DLGAP4: variants seen among roughly 807,000 people sequenced by gnomAD.
DLGAP4 encodes the protein DLG associated protein 4, also known as disks large-associated protein 4.
Under a neutral mutation model 86.9 loss-of-function variants are expected in DLGAP4, and 18 were observed. The ratio of observed to expected loss-of-function variants is 0.21; its 90% CI spans 0.14 to 0.31. DLGAP4 has a LOEUF of 0.31. DLGAP4 is among the 10% of genes least tolerant of loss of function. The pLI is 1.00. For synonymous variants in DLGAP4, 548 were observed against 574.3 expected (o/e 0.95, Z 0.65); for missense variants, 1,085 against 1,362.6 (o/e 0.80, Z 3.21).
intron 1 of DLGAP4, among the ~76,000 whole-genome samples, chr20:36,346,133 G>A (rs1555892949): frequency 6.6e-6 from 1 of 152,140 alleles, no homozygotes; most frequent in Non-Finnish European, 1.5e-5. Flanking sequence ...AGCATAAATT[G>A]TAATCCCTTG....
intron 2 of DLGAP4, among the ~76,000 whole-genome samples, chr20:36,402,787 T>A (rs534614282): frequency 1.3e-5 from 2 of 152,292 alleles, no homozygotes; most frequent in South Asian, 4.1e-4. Flanking sequence ...CATTTACTCC[T>A]CCTAGTCACC....
At position 36,482,231 on chromosome 20, in the gene DLGAP4, C is replaced by T. The variant is rs184535835; in HGVS notation, c.1649-14474C>T. ...AACACTGCCTTTCTATTCTGGGATT[C>T]GCTTGGTCATTCAGAATGGTGAAAG... On this transcript the variant is annotated intron_variant, in intron 7 of 12. Coordinates refer to ENST00000339266, the MANE Select transcript of DLGAP4 (RefSeq NM_001365621.2). Among the ~76,000 whole-genome samples, 528 of 152,288 alleles carry T rather than the reference C, an allele frequency of 3.5e-3. 1 individual carries two copies. The highest frequency in any genetic ancestry group is 0.014 in the Middle Eastern group (4 of 294).
chr20:36,356,297 T>TTTTGTTTGTTTG (rs140426624), intron 1 of DLGAP4, among the ~76,000 whole-genome samples: 24 of 151,898 alleles, frequency 1.6e-4, no homozygotes, highest in African/African-American at 5.6e-4. Context: ...GTTTCATTGT[T>TTTTGTTTGTTTG]TTTGTTTGTT....
intron 2 of DLGAP4, among the ~76,000 whole-genome samples, chr20:36,379,151 C>T (rs1011661949): frequency 6.6e-6 from 1 of 152,174 alleles, no homozygotes; most frequent in African/African-American, 2.4e-5. Context: ...TTTGTCCTCT[C>T]AAGCACACAC....
intron 1 of DLGAP4, among the ~76,000 whole-genome samples, chr20:36,338,084 C>T (rs1394708132): frequency 1.3e-5 from 2 of 152,192 alleles, no homozygotes; most frequent in African/African-American, 4.8e-5. Flanking sequence ...CCTCATGGTC[C>T]TCAGCTGCCC....
At chr20:36,370,585 G>T (rs538275482) in intron 2 of DLGAP4, among the ~76,000 whole-genome samples, 1 of 152,214 alleles carries the variant, frequency 6.6e-6, no homozygotes. Context: ...TAATAAAAGA[G>T]GTGGGAGAAT....
chr20:36,387,309 TC>T (rs1380371292), intron 2 of DLGAP4, among the ~76,000 whole-genome samples: 1 of 152,270 alleles, frequency 6.6e-6, no homozygotes, highest in African/African-American at 2.4e-5. Flanking sequence ...TCTGAATTTT[TC>T]TCTTCTGCAA....
In DLGAP4 at chr20:36,430,648, CAAAAAAA is replaced by C. The variant is rs5841233; in HGVS notation, c.-72-980_-72-974del. Among the ~76,000 whole-genome samples, 234 of 58,980 alleles carry C rather than the reference CAAAAAAA, an allele frequency of 4.0e-3. 9 individuals are homozygous for C. In the East Asian group the frequency reaches 0.079, roughly 20 times the overall value. 38.7% of individuals were successfully genotyped at this position (58,980 alleles called of 152,430 possible). ...CAGTGAGCTGTCTGTGACCTTGTTG[CAAAAAAA>C]AAAAAAAAAAAAAAAAAGGCCAGGC... On this transcript the variant is annotated intron_variant, in intron 2 of 12. Transcript: ENST00000339266.
chr20:36,445,763 G>A lies in DLGAP4; in HGVS notation c.1408-934G>A, dbSNP rs371042521. ...TTGTGCCCCCTCCCGCTGTGGCCCA[G>A]GCCAGCCCCCAAGATGTCCACATCT... On this transcript the variant is annotated intron_variant, in intron 6 of 12. Transcript: ENST00000339266. Among the ~76,000 whole-genome samples, 4 of 152,174 alleles carry A rather than the reference G, an allele frequency of 2.6e-5. No individual in the cohort carries two copies. In the East Asian group the frequency reaches 7.7e-4, roughly 29 times the overall value.
At chr20:36,514,491 G>A (rs924764137) in intron 10 of DLGAP4, among the ~76,000 whole-genome samples, 1 of 152,100 alleles carries the variant, frequency 6.6e-6, no homozygotes, top group Non-Finnish European at 1.5e-5. Flanking sequence ...GCTCAATGCA[G>A]CCTTGAACTC....
At chr20:36,332,969 G>T (rs1461976542) in intron 1 of DLGAP4, among the ~76,000 whole-genome samples, 15 of 152,194 alleles carry the variant, frequency 9.9e-5, no homozygotes, top group African/African-American at 3.6e-4. Flanking sequence ...TTCCTTCCAA[G>T]AGCAAATTCT....
chr20:36,520,986 C>T (rs1042743287), intron 10 of DLGAP4, among the ~76,000 whole-genome samples: 14 of 152,190 alleles, frequency 9.2e-5, no homozygotes, highest in African/African-American at 3.1e-4. Flanking sequence ...GTGTCCACCA[C>T]CAAGCCCGGC....
At chr20:36,440,751 C>T (rs1191706630) in intron 5 of DLGAP4, among the ~76,000 whole-genome samples, 1 of 151,990 alleles carries the variant, frequency 6.6e-6, no homozygotes, top group South Asian at 2.1e-4. Flanking sequence ...AAAGGCACCC[C>T]CCATCGTGTG....
rs1270123422 is a variant in DLGAP4 at position 36,431,379 on chromosome 20, T to C, written c.-72-267T>C. On this transcript the variant is annotated intron_variant, in intron 2 of 12. Transcript: ENST00000339266. This position sits in a 1 kb window ranked among gnomAD's most constrained non-coding sequence, Gnocchi z 5.1. ...AGACCCAGAACTCTGAGTCTGAGCC[T>C]GGTTTTCCAGGTTGTTTTAAAGATA... 6.6e-6 allele frequency among the ~76,000 whole-genome samples: 1 copy of C among 152,164 alleles called. No individual in the cohort carries two copies. Among genetic ancestry groups the C allele is most frequent in the African/African-American group, 2.4e-5 (1 of 41,440 alleles).
intron 2 of DLGAP4, among the ~76,000 whole-genome samples, chr20:36,408,241 AG>A (rs778665059): frequency 2.3e-4 from 35 of 151,980 alleles, no homozygotes; most frequent in Non-Finnish European, 5.0e-4. Context: ...GGAGTGAGAA[AG>A]GGAAGAACAG....
intron 2 of DLGAP4, among the ~76,000 whole-genome samples, chr20:36,367,524 C>A (rs947031067): frequency 1.3e-5 from 2 of 152,218 alleles, no homozygotes; most frequent in Non-Finnish European, 2.9e-5. Context: ...GGGGAAGCCA[C>A]CTGCTTGGGG....
At chr20:36,512,413 TGGAATAATAG>T (rs2036761339) in intron 10 of DLGAP4, among the ~76,000 whole-genome samples, 1 of 152,072 alleles carries the variant, frequency 6.6e-6, no homozygotes, top group Admixed American at 6.6e-5. Context: ...CAGGACAGTG[TGGAATAATAG>T]GTCCATATCT....
chr20:36,525,723 A>C (rs2037711940), intron 11 of DLGAP4, 128 bp from the exon 12 acceptor site: 1 of 1,257,918 alleles, frequency 7.9e-7, no homozygotes, highest in African/African-American at 1.5e-5. Context: ...ATACTTACCC[A>C]GACACTAGGC....
chr20:36,507,542 T>A (rs571032106), intron 10 of DLGAP4, among the ~76,000 whole-genome samples: 2 of 152,252 alleles, frequency 1.3e-5, no homozygotes, highest in African/African-American at 4.8e-5. Flanking sequence ...CCACAAGTTT[T>A]AAGGTCACCC....
Sources: allele counts gnomAD v4.1 joint callset (sites outside exome capture counted in the v4.1 genomes callset), GRCh38; gene constraint gnomAD v4.1.1; non-coding constraint Gnocchi (gnomAD v3.1); transcripts MANE v1.5; gene names NCBI Gene and HGNC (gene_info 2026-07-23, HGNC 2026-07-21).